The following PLAGL1 variants were observed in gnomAD, a reference collection of about 807,000 sequenced individuals.
PLAGL1 encodes the protein zinc finger protein PLAGL1.
PLAGL1 carries 1 observed loss-of-function variant against 4.6 expected under a neutral mutation model. That is an observed-to-expected ratio of 0.22 (90% CI 0.08 to 1.03). The LOEUF is 1.03. PLAGL1 is among the 50% of genes least tolerant of loss of function. The pLI, the probability that PLAGL1 is intolerant of heterozygous loss-of-function variation, is 0.58. For synonymous variants in PLAGL1, 240 were observed against 237.8 expected, an observed-to-expected ratio of 1.01 and a Z score of -0.08; for missense variants, 464 against 570.4, an observed-to-expected ratio of 0.81 and a Z score of 1.90.
rs554219848 is a variant in PLAGL1, at chr6:144,031,987, G to T, written c.-151+32481C>A. ...TTAATTCTACCTATGCATGAGCATGGGATGTGTTTCCATTTCTTTGTGTCA... is the reference window on the plus strand; with the variant it reads ...TTAATTCTACCTATGCATGAGCATGTGATGTGTTTCCATTTCTTTGTGTCA... On this transcript the variant is annotated intron_variant, in intron 1 of 3. Transcript: ENST00000437412. 2.0e-5 allele frequency among the ~76,000 whole-genome samples: 3 copies of T among 152,198 alleles called. No individual in the cohort carries two copies. In the South Asian group the frequency reaches 6.2e-4, roughly 32 times the overall value.
intron 1 of PLAGL1, among the ~76,000 whole-genome samples, chr6:144,043,279 T>G (rs1797876724): frequency 6.6e-6 from 1 of 152,216 alleles, no homozygotes; most frequent in South Asian, 2.1e-4. Context: ...GCTTCCAGTT[T>G]TTGCCCATTC....
rs1357045057 is a variant in PLAGL1, at chr6:143,958,253, A to G, written c.-325+2216T>C. Reference sequence around the variant, plus strand: ...ATCACTTATCCCTCCCCCATGGGTAACTCAGTTACCTGGAGAGAACAGCAG... The same window carrying G: ...ATCACTTATCCCTCCCCCATGGGTAGCTCAGTTACCTGGAGAGAACAGCAG... On this transcript the variant is annotated intron_variant, in intron 6 of 7. Transcript: ENST00000674357. This position sits in a 1 kb window ranked among gnomAD's most constrained non-coding sequence, Gnocchi z 5.1. Among the ~76,000 whole-genome samples, 2 of 152,220 alleles carry G rather than the reference A, an allele frequency of 1.3e-5. No individual in the cohort carries two copies. Among genetic ancestry groups the G allele is most frequent in the African/African-American group, 4.8e-5 (2 of 41,464 alleles).
intron 1 of PLAGL1, among the ~76,000 whole-genome samples, chr6:144,043,151 T>A (rs1285347267): frequency 6.6e-6 from 1 of 152,194 alleles, no homozygotes; most frequent in African/African-American, 2.4e-5. Context: ...CTCTTCCTAA[T>A]TGAATACCCT....
rs116523300 is a variant in PLAGL1 at position 144,018,128 on chromosome 6, G to C, written c.-151+46340C>G. On this transcript the variant is annotated intron_variant, in intron 1 of 3. Transcript: ENST00000437412. The stretch of plus-strand genomic sequence containing the variant: ...ATAATGAATACATGAATTATCAATG[G>C]ATGCTAAAACTACTTCGGGGAACAT... 8.5e-3 allele frequency among the ~76,000 whole-genome samples: 1,299 copies of C among 152,200 alleles called. 10 individuals are homozygous for C. Among genetic ancestry groups the C allele is most frequent in the African/African-American group, 0.03 (1,238 of 41,540 alleles).
At position 144,024,266 on chromosome 6, in the gene PLAGL1, C is replaced by A. The variant is rs909534479; in HGVS notation, c.-151+40202G>T. 9.2e-5 allele frequency among the ~76,000 whole-genome samples: 14 copies of A among 152,244 alleles called. 1 individual carries two copies. The highest frequency in any genetic ancestry group is 8.3e-4 in the South Asian group (4 of 4,824). On this transcript the variant is annotated intron_variant, in intron 1 of 3. Coordinates refer to the PLAGL1 transcript ENST00000437412. ...TTATTCTCCAATAAAAGGAACCATGCCCCTTGGAGAAAGCATTCATGTGAG... is the reference window on the plus strand; with the variant it reads ...TTATTCTCCAATAAAAGGAACCATGACCCTTGGAGAAAGCATTCATGTGAG...
chr6:144,017,888 C>A (rs1795673605), intron 1 of PLAGL1, among the ~76,000 whole-genome samples: 1 of 152,178 alleles, frequency 6.6e-6, no homozygotes, highest in Admixed American at 6.5e-5. Context: ...TGCAGTAAGA[C>A]TCTCCAGTCT....
At chr6:144,052,983 GA>G (rs1164859896) in intron 1 of PLAGL1, among the ~76,000 whole-genome samples, 1 of 152,020 alleles carries the variant, frequency 6.6e-6, no homozygotes, top group Non-Finnish European at 1.5e-5. Context: ...GGGGGTCACA[GA>G]AAAAAATTAT....
chr6:144,059,070 C>A lies in PLAGL1; in HGVS notation c.-151+5398G>T, dbSNP rs560710997. 6.6e-6 allele frequency among the ~76,000 whole-genome samples: 1 copy of A among 152,286 alleles called. No homozygotes were observed. Among genetic ancestry groups the A allele is most frequent in the South Asian group, 2.1e-4 (1 of 4,830 alleles). ...CTAGAGTTTCTCTTCAGGGTCTCCA[C>A]CCCTACAGCAGGCTTCTGCCTGTAC... On this transcript the variant is annotated intron_variant, in intron 1 of 3. Coordinates refer to the PLAGL1 transcript ENST00000437412. The surrounding 1 kb of genome is among the most constrained non-coding windows in gnomAD (Gnocchi z 4.9).
chr6:143,992,046 A>T (rs1790590801), intron 1 of PLAGL1, among the ~76,000 whole-genome samples: 2 of 152,210 alleles, frequency 1.3e-5, no homozygotes. Flanking sequence ...TGGTCAAGGA[A>T]AGATATATTT....
intron 1 of PLAGL1, chr6:144,037,546 T>C (rs1018165882): frequency 6.6e-6 from 1 of 152,074 alleles, no homozygotes; most frequent in Non-Finnish European, 1.5e-5. Context: ...TATCATATGA[T>C]TGTGCCACTG....
upstream of PLAGL1, among the ~76,000 whole-genome samples, chr6:144,013,362 G>A (rs1795324237): frequency 1.3e-5 from 2 of 152,200 alleles, no homozygotes; most frequent in African/African-American, 4.8e-5. This position sits in a 1 kb window ranked among gnomAD's most constrained non-coding sequence, Gnocchi z 4.4. Context: ...AAATAATGGA[G>A]GGGGAAAATG....
intron 1 of PLAGL1, among the ~76,000 whole-genome samples, chr6:144,035,977 A>G (rs1797206793): frequency 6.6e-6 from 1 of 152,078 alleles, no homozygotes; most frequent in Admixed American, 6.6e-5. Flanking sequence ...GAGGTGGAGG[A>G]GCAGGGGCAT....
At position 143,972,760 on chromosome 6, in the gene PLAGL1, C is replaced by T. The variant is rs756576592; in HGVS notation, c.-543-3782G>A. Among the ~76,000 whole-genome samples, 1 of 152,048 alleles carries T rather than the reference C, an allele frequency of 6.6e-6. No homozygotes were observed. The highest frequency in any genetic ancestry group is 1.5e-5 in the Non-Finnish European group (1 of 68,006). ...AATATCAATAATGCTTACTGTATCACTGTTTTCTTTCCTCTCAAGGCAAAA... is the reference window on the plus strand; with the variant it reads ...AATATCAATAATGCTTACTGTATCATTGTTTTCTTTCCTCTCAAGGCAAAA... On this transcript the variant is annotated intron_variant, in intron 2 of 7. Transcript: ENST00000674357. This position sits in a 1 kb window ranked among gnomAD's most constrained non-coding sequence, Gnocchi z 6.8.
At chr6:144,020,292 T>C (rs1174083942) in intron 1 of PLAGL1, among the ~76,000 whole-genome samples, 1 of 152,008 alleles carries the variant, frequency 6.6e-6, no homozygotes, top group Non-Finnish European at 1.5e-5. Context: ...TTTGTTTGTT[T>C]GTTTGTTTGT....
rs767350739 is a variant in PLAGL1 at position 143,950,301 on chromosome 6, C to A, written c.-324-1841G>T. Reference sequence around the variant, plus strand: ...TACCTGTCCCGGCTCTGCCCAAACCCCTTTCCCCCAACCCCTGGTTCCCTT... The same window carrying A: ...TACCTGTCCCGGCTCTGCCCAAACCACTTTCCCCCAACCCCTGGTTCCCTT... On this transcript the variant is annotated intron_variant, in intron 6 of 7. Coordinates refer to ENST00000674357, the MANE Select transcript of PLAGL1 (RefSeq NM_001317162.2). This position sits in a 1 kb window ranked among gnomAD's most constrained non-coding sequence, Gnocchi z 6.3. Among the ~76,000 whole-genome samples the A allele has an allele frequency of 3.9e-5, 6 of 152,158 alleles. No individual in the cohort carries two copies. Among genetic ancestry groups the A allele is most frequent in the Non-Finnish European group, 7.4e-5 (5 of 68,024 alleles).
At chr6:144,041,309 T>C (rs1797708798) in intron 1 of PLAGL1, among the ~76,000 whole-genome samples, 1 of 152,098 alleles carries the variant, frequency 6.6e-6, no homozygotes, top group South Asian at 2.1e-4. Context: ...ATTAGGTATT[T>C]CTCCTAATGC....
chr6:144,044,528 C>T (rs1252143476), intron 1 of PLAGL1, among the ~76,000 whole-genome samples: 2 of 152,154 alleles, frequency 1.3e-5, no homozygotes, highest in Non-Finnish European at 2.9e-5. Flanking sequence ...TTTGATTGCG[C>T]TGTGGTCTGA....
In PLAGL1 at chr6:144,049,241, T is replaced by C. The variant is rs532896709; in HGVS notation, c.-151+15227A>G. 6.6e-5 allele frequency among the ~76,000 whole-genome samples: 10 copies of C among 152,336 alleles called. No homozygotes were observed. The South Asian group carries it at 2.1e-3, about 32-fold the overall frequency. ...TGGTCAAAACCATTCAACAAGTCTC[T>C]AGAAAGTTCCAAACTTTCCCACAAC... On this transcript the variant is annotated intron_variant, in intron 1 of 3. Coordinates refer to the PLAGL1 transcript ENST00000437412.
chr6:144,042,878 G>T (rs1397826593), intron 1 of PLAGL1, among the ~76,000 whole-genome samples: 2 of 152,176 alleles, frequency 1.3e-5, no homozygotes, highest in African/African-American at 2.4e-5. Context: ...TCTCCTTGAA[G>T]AGGTCCTTCA....
Sources: allele counts gnomAD v4.1 joint callset (sites outside exome capture counted in the v4.1 genomes callset), GRCh38; gene constraint gnomAD v4.1.1; non-coding constraint Gnocchi (gnomAD v3.1); transcripts MANE v1.5; gene names NCBI Gene and HGNC (gene_info 2026-07-23, HGNC 2026-07-21).